The following PLPPR1 variants were observed in gnomAD, a reference collection of about 807,000 sequenced individuals.
The protein encoded by PLPPR1 is phospholipid phosphatase-related protein type 1.
In PLPPR1, 10 loss-of-function variants were observed where a neutral mutation model predicts 33.1. The ratio of observed to expected loss-of-function variants is 0.30; its 90% confidence interval spans 0.19 to 0.51. The LOEUF (loss-of-function observed/expected upper bound fraction) is 0.51, where lower values mean the gene tolerates loss of function less well. PLPPR1 is among the 20% of genes least tolerant of loss of function. The pLI is 0.97. For missense variants in PLPPR1, 304 were observed against 408.1 expected (o/e 0.74, Z 2.20); for synonymous variants, 151 against 151.0 (o/e 1.00, Z 0.00).
chr9:101,188,896 C>G (rs1289494491), intron 2 of PLPPR1, among the ~76,000 whole-genome samples: 1 of 151,928 alleles, frequency 6.6e-6, no homozygotes, highest in Non-Finnish European at 1.5e-5. Context: ...AAATTTTCAC[C>G]TTTTTTTCAG....
intron 2 of PLPPR1, chr9:101,187,940 T>C (rs1391498512): frequency 6.6e-6 from 1 of 152,040 alleles, no homozygotes. Context: ...TCCCTACATG[T>C]TTCCCATGCA....
chr9:101,208,087 T>C (rs952849713), intron 2 of PLPPR1, among the ~76,000 whole-genome samples: 1 of 152,204 alleles, frequency 6.6e-6, no homozygotes, highest in African/African-American at 2.4e-5. Context: ...AGGGAGCATA[T>C]ATTTTTTGGT....
At chr9:101,215,357 G>A (rs531788577) in intron 2 of PLPPR1, among the ~76,000 whole-genome samples, 96 of 152,048 alleles carry the variant, frequency 6.3e-4, no homozygotes, top group Non-Finnish European at 1.2e-3. Flanking sequence ...TCGGCTCACT[G>A]CAACCTCCGC....
chr9:101,272,314 T>G (rs1471574196), intron 3 of PLPPR1, among the ~76,000 whole-genome samples: 1 of 152,276 alleles, frequency 6.6e-6, no homozygotes, highest in East Asian at 1.9e-4. Flanking sequence ...ATAAGAAATC[T>G]CAAACAATAT....
intron 1 of PLPPR1, among the ~76,000 whole-genome samples, chr9:101,137,243 G>T (rs1831388033): frequency 6.6e-6 from 1 of 152,170 alleles, no homozygotes; most frequent in East Asian, 1.9e-4. Context: ...TGGAGAGAAG[G>T]AAGTGCACTG....
intron 1 of PLPPR1, among the ~76,000 whole-genome samples, chr9:101,072,310 G>A (rs1183971704): frequency 6.6e-6 from 1 of 152,086 alleles, no homozygotes; most frequent in Non-Finnish European, 1.5e-5. Flanking sequence ...GGTCTTTGGA[G>A]TCTCTCCTCC....
At chr9:101,073,887 G>GAAGA (rs113526525) in intron 1 of PLPPR1, among the ~76,000 whole-genome samples, 5,924 of 152,246 alleles carry the variant, frequency 0.039, 172 homozygotes, top group East Asian at 0.082. Flanking sequence ...TATGGAGACA[G>GAAGA]AAGAAGATGA....
intron 2 of PLPPR1, among the ~76,000 whole-genome samples, chr9:101,202,496 G>A (rs1826513025): frequency 6.6e-6 from 1 of 152,118 alleles, no homozygotes; most frequent in Admixed American, 6.6e-5. Context: ...CTCAAGGCTT[G>A]CTATTGAACA....
At chr9:101,056,946 A>C (rs1164005301) in intron 1 of PLPPR1, among the ~76,000 whole-genome samples, 1 of 152,114 alleles carries the variant, frequency 6.6e-6, no homozygotes, top group Non-Finnish European at 1.5e-5. Flanking sequence ...TGAGCCTACC[A>C]CATCAGTCAA....
intron 1 of PLPPR1, among the ~76,000 whole-genome samples, chr9:101,111,922 G>A (rs148609923): frequency 5.9e-5 from 9 of 152,040 alleles, no homozygotes; most frequent in Middle Eastern, 3.2e-3. Context: ...AAATGTATTC[G>A]CTCAAATACC....
chr9:101,221,764 T>A (rs1826946688), intron 2 of PLPPR1, among the ~76,000 whole-genome samples: 1 of 152,156 alleles, frequency 6.6e-6, no homozygotes, highest in South Asian at 2.1e-4. Flanking sequence ...GTGCTTTTTG[T>A]CTCCAAAAGT....
At chr9:101,165,680 A>G (rs1182290281) in intron 1 of PLPPR1, among the ~76,000 whole-genome samples, 1 of 152,138 alleles carries the variant, frequency 6.6e-6, no homozygotes, top group Non-Finnish European at 1.5e-5. Context: ...ACAGAAGAGG[A>G]GGCTGCAGGT....
chr9:101,031,857 A>T (rs1404475379), intron 1 of PLPPR1, among the ~76,000 whole-genome samples: 1 of 152,218 alleles, frequency 6.6e-6, no homozygotes, highest in Non-Finnish European at 1.5e-5. Flanking sequence ...TCATGTGGTT[A>T]GAGCCATTGA....
chr9:101,185,679 A>C, intron 2 of PLPPR1, 122 bp downstream of exon 2: 1 of 613,500 alleles, frequency 1.6e-6, no homozygotes, highest in South Asian at 2.4e-5. Context: ...GATAGCACAA[A>C]TATTGGTAAA....
intron 1 of PLPPR1, among the ~76,000 whole-genome samples, chr9:101,043,628 A>G (rs1314293313): frequency 2.6e-5 from 4 of 152,036 alleles, no homozygotes; most frequent in Non-Finnish European, 5.9e-5. Context: ...TCTTTTTTGT[A>G]TAATGACTTA....
intron 1 of PLPPR1, among the ~76,000 whole-genome samples, chr9:101,168,293 T>A (rs1564164035): frequency 6.6e-6 from 1 of 152,130 alleles, no homozygotes; most frequent in Non-Finnish European, 1.5e-5. Context: ...AACAACCCAG[T>A]CACTATCTGC....
chr9:101,260,941 G>C (rs961394102), intron 2 of PLPPR1, among the ~76,000 whole-genome samples: 1 of 152,084 alleles, frequency 6.6e-6, no homozygotes, highest in Non-Finnish European at 1.5e-5. Context: ...AGGAAGAGGA[G>C]ACCTCAGTCA....
chr9:101,121,465 T>G (rs1831177752), intron 1 of PLPPR1, among the ~76,000 whole-genome samples: 1 of 152,168 alleles, frequency 6.6e-6, no homozygotes, highest in Non-Finnish European at 1.5e-5. Context: ...CAGGCCACCT[T>G]TTATGAAGAA....
Position 101,317,239 on chromosome 9 carries a change from C to G in PLPPR1, c.814-126C>G, listed in dbSNP as rs145744716. The G allele has an allele frequency of 1.6e-4, 155 of 975,006 alleles. No homozygotes were observed. The African/African-American group carries it at 2.3e-3, about 15-fold the overall frequency. The allele number at this position is 975,006 out of a possible 1,614,324, so 60.4% of individuals were successfully genotyped here. ...CACAGCACTTCCCATAGTCCCTTTC[C>G]CCTCTCTCAAAGGAAAAAGGTCACT... On this transcript the variant is annotated intron_variant, in intron 6 of 7. Transcript: ENST00000374874.
Sources: gnomAD v4.1 joint callset for allele counts (sites outside exome capture counted in the v4.1 genomes callset) on GRCh38, gnomAD v4.1.1 for gene constraint, MANE v1.5 for transcripts, NCBI Gene and HGNC (gene_info 2026-07-23, HGNC 2026-07-21) for gene names.